SYNPO: variants seen among roughly 807,000 people sequenced by gnomAD.
SYNPO encodes synaptopodin.
In SYNPO, 19 loss-of-function variants were observed where a neutral mutation model predicts 49.5. That is an observed-to-expected ratio of 0.38 (90% confidence interval 0.27 to 0.56). SYNPO has a LOEUF of 0.56. Among genes scored for constraint, SYNPO ranks in the 20% least tolerant of loss-of-function variants. SYNPO has a pLI of 0.68. For synonymous variants in SYNPO, 536 were observed against 548.0 expected, an observed-to-expected ratio of 0.98 and a Z score of 0.31; for missense variants, 1,131 against 1,248.3, an observed-to-expected ratio of 0.91 and a Z score of 1.42.
the SYNPO span, among the ~76,000 whole-genome samples, chr5:150,588,115 A>G: frequency 3.0e-4 from 45 of 152,232 alleles, no homozygotes; most frequent in Non-Finnish European, 6.0e-4. Context: ...GTGTGAAAAC[A>G]TGGTTCCATA....
intron 2 of SYNPO, among the ~76,000 whole-genome samples, chr5:150,625,204 C>A (rs916438716): frequency 6.6e-6 from 1 of 152,210 alleles, no homozygotes; most frequent in South Asian, 2.1e-4. Context: ...GCGCCCCTCC[C>A]CGCAAGCGGA....
intron 2 of SYNPO, chr5:150,651,662 A>G: frequency 2.0e-6 from 2 of 1,001,532 alleles, no homozygotes; most frequent in Non-Finnish European, 2.4e-6. Flanking sequence ...GAGCTGGGGC[A>G]GGTGCATAGC....
intron 2 of SYNPO, chr5:150,651,627 C>T (rs1422477613): frequency 2.2e-5 from 22 of 1,002,196 alleles, no homozygotes; most frequent in Non-Finnish European, 2.6e-5. Flanking sequence ...CTCAGGATTG[C>T]CTGGGGACAG....
intron 1 of SYNPO, among the ~76,000 whole-genome samples, chr5:150,647,488 G>C (rs1292507274): frequency 1.3e-5 from 2 of 152,334 alleles, no homozygotes; most frequent in East Asian, 3.9e-4. Flanking sequence ...ATTCCAAGGA[G>C]AGCGAGCAGC....
At chr5:150,653,278 G>A (rs1226407235) in intron 2 of SYNPO, 1 of 152,170 alleles carries the variant, frequency 6.6e-6, no homozygotes, top group African/African-American at 2.4e-5. Flanking sequence ...TCAGGCTCTG[G>A]CCCATCTCCA....
chr5:150,629,558 A>G (rs1757471467), intron 2 of SYNPO, among the ~76,000 whole-genome samples: 1 of 152,082 alleles, frequency 6.6e-6, no homozygotes, highest in Non-Finnish European at 1.5e-5. Flanking sequence ...AGGGGCTGAC[A>G]CCATGGTGTC....
intron 2 of SYNPO, among the ~76,000 whole-genome samples, chr5:150,623,379 C>G (rs558700655): frequency 1.3e-5 from 2 of 152,128 alleles, no homozygotes; most frequent in African/African-American, 4.8e-5. Flanking sequence ...CAATCCTAGC[C>G]TCTCTCTCTC....
At chr5:150,620,883 CT>C (rs992633626) in intron 2 of SYNPO, among the ~76,000 whole-genome samples, 18 of 148,116 alleles carry the variant, frequency 1.2e-4, no homozygotes, top group African/African-American at 4.3e-4. Context: ...CTTTCTTTTT[CT>C]TTTTTTCTTT....
At chr5:150,588,824 T>G in the SYNPO span, among the ~76,000 whole-genome samples, 1 of 152,104 alleles carries the variant, frequency 6.6e-6, no homozygotes, top group East Asian at 1.9e-4. Context: ...AAATTTGTAT[T>G]GCACAGTCAC....
chr5:150,622,483 C>T (rs1365536188), intron 2 of SYNPO, among the ~76,000 whole-genome samples: 3 of 152,208 alleles, frequency 2.0e-5, no homozygotes, highest in African/African-American at 7.2e-5. Context: ...ACCGCTGATG[C>T]CTCCCTGCCT....
chr5:150,596,031 G>A, the SYNPO span, among the ~76,000 whole-genome samples: 1 of 152,220 alleles, frequency 6.6e-6, no homozygotes, highest in African/African-American at 2.4e-5. Flanking sequence ...GTTGGGGGGA[G>A]GTCTTGTTTA....
Position 150,659,119 on chromosome 5 carries a change from TCTC to T in SYNPO, c.*2036_*2038del, listed in dbSNP as rs1758668477. ...CATTGTCACTGCCCTCTCCCCAACCTCTCCTCTAACCCACTAGAGATTGCCTGT... is the reference window on the plus strand; with the variant it reads ...CATTGTCACTGCCCTCTCCCCAACCTCTCTAACCCACTAGAGATTGCCTGT... On this transcript the variant is annotated 3_prime_UTR_variant, in exon 3 of 3. Transcript: ENST00000307662. The T allele has an allele frequency of 1.3e-5, 2 of 152,338 alleles. No homozygotes were observed. Among genetic ancestry groups the T allele is most frequent in the Admixed American group, 1.3e-4 (2 of 15,266 alleles). The allele number at this position is 152,338 out of a possible 1,614,324, so 9.4% of individuals were successfully genotyped here. A position where few individuals can be genotyped will look rare whatever the true frequency, so the allele number is the denominator to read the frequency against.
rs201992442 is a variant in SYNPO at position 150,648,980 on chromosome 5, G to T, written c.705G>T (p.Val235=). 11 of 1,614,246 alleles carry T rather than the reference G, an allele frequency of 6.8e-6. No individual in the cohort carries two copies. The East Asian group carries it at 2.2e-4, about 33-fold the overall frequency. ...TCACACTGGCCAAGCCCCCATCAGTGGTCAACAGGACGGCCAGGCCTTTTG... is the reference window on the plus strand; with the variant it reads ...TCACACTGGCCAAGCCCCCATCAGTTGTCAACAGGACGGCCAGGCCTTTTG... The part of the protein sequence containing the change: ...VHFTLAKPPS[V]VNRTARPFGI... Residue 235 remains valine, a synonymous_variant, in exon 2 of 3, where the codon GTG becomes GTT. Transcript: ENST00000307662. The surrounding 1 kb of genome is among the most constrained non-coding windows in gnomAD (Gnocchi z 5.0).
intron 1 of SYNPO, among the ~76,000 whole-genome samples, chr5:150,617,276 T>C (rs896868680): frequency 2.6e-5 from 4 of 151,936 alleles, no homozygotes; most frequent in Non-Finnish European, 5.9e-5. Context: ...GCACAGAAAC[T>C]GAAAGCACAC....
At chr5:150,618,759 A>G in exon 2 of SYNPO, 1 of 1,551,234 alleles carries the variant, frequency 6.4e-7, no homozygotes, top group Non-Finnish European at 8.7e-7. Context: ...AGAGTGGCCC[A>G]GAAACCAGGT....
At chr5:150,605,913 A>G (rs911179254) in intron 1 of SYNPO, among the ~76,000 whole-genome samples, 6 of 152,148 alleles carry the variant, frequency 3.9e-5, no homozygotes, top group African/African-American at 1.4e-4. Flanking sequence ...AGATGCATAC[A>G]TACGTACCCA....
At chr5:150,625,679 G>A (rs1757332235) in intron 2 of SYNPO, among the ~76,000 whole-genome samples, 1 of 152,218 alleles carries the variant, frequency 6.6e-6, no homozygotes, top group African/African-American at 2.4e-5. Flanking sequence ...GTGGAATCAG[G>A]GGCACTGTCC....
upstream of SYNPO, among the ~76,000 whole-genome samples, chr5:150,600,623 G>A (rs1756504576): frequency 6.6e-6 from 1 of 152,170 alleles, no homozygotes; most frequent in South Asian, 2.1e-4. Flanking sequence ...CCGGGAAAGG[G>A]AAATGGGGCA....
rs1474112053 is a variant in SYNPO, at chr5:150,608,907, C to T, written c.-266+7719C>T. On this transcript the variant is annotated intron_variant, in intron 1 of 2. Coordinates refer to the SYNPO transcript ENST00000394243. The stretch of plus-strand genomic sequence containing the variant: ...GCCCTCACAGTTGCTATGATGCAGG[C>T]GTGGTTAGGGTTCCCACTCCACAGA... Among the ~76,000 whole-genome samples the T allele has an allele frequency of 2.6e-5, 4 of 152,172 alleles. No homozygotes were observed. In the South Asian group the frequency reaches 6.2e-4, roughly 24 times the overall value.
Sources: allele counts gnomAD v4.1 joint callset (sites outside exome capture counted in the v4.1 genomes callset), GRCh38; gene constraint gnomAD v4.1.1; non-coding constraint Gnocchi (gnomAD v3.1); transcripts MANE v1.5; gene names NCBI Gene and HGNC (gene_info 2026-07-23, HGNC 2026-07-21).